Variants in NTN4 observed in about 807,000 individuals in gnomAD.
The protein encoded by NTN4 is netrin 4, also known as netrin-4.
A neutral mutation model predicts 73.6 loss-of-function variants in NTN4; 32 were observed. The ratio of observed to expected loss-of-function variants is 0.44; its 90% CI spans 0.33 to 0.58. NTN4 has a LOEUF of 0.58. Ranked by LOEUF, NTN4 falls within the 20% of genes least tolerant of loss-of-function variation. NTN4 has a pLI of 0.04. For synonymous variants in NTN4, 258 were observed against 287.5 expected, an observed-to-expected ratio of 0.90 and a Z score of 1.04; for missense variants, 654 against 798.3, an observed-to-expected ratio of 0.82 and a Z score of 2.18.
At chr12:95,699,499 G>A (rs773245809) in intron 5 of NTN4, among the ~76,000 whole-genome samples, 20 of 152,132 alleles carry the variant, frequency 1.3e-4, no homozygotes, top group Non-Finnish European at 2.4e-4. Context: ...CTCTTCCTGA[G>A]AGCATCATGA....
At position 95,658,246 on chromosome 12, in the gene NTN4, CAT is replaced by C. The variant is rs2078106939; in HGVS notation, c.*838_*839del. 6.6e-6 allele frequency: 1 copy of C among 152,294 alleles called. No homozygotes were observed. The highest frequency in any genetic ancestry group is 2.1e-4 in the South Asian group (1 of 4,824). 9.4% of individuals were successfully genotyped at this position (152,294 alleles called of 1,614,324 possible). ...AAAGTCCATTTCCCCTTTAGCCAAG[CAT>C]ATGTCTACATTTATGATTTCTTTCT... On this transcript the variant is annotated 3_prime_UTR_variant, in exon 10 of 10. Transcript: ENST00000343702.
At chr12:95,734,480 C>A (rs554990294) in intron 3 of NTN4, among the ~76,000 whole-genome samples, 1 of 152,234 alleles carries the variant, frequency 6.6e-6, no homozygotes, top group African/African-American at 2.4e-5. Flanking sequence ...TCCACTGCTG[C>A]AAATAAAAAC....
intron 7 of NTN4, among the ~76,000 whole-genome samples, chr12:95,677,604 T>A (rs2078282869): frequency 6.6e-6 from 1 of 152,114 alleles, no homozygotes; most frequent in Non-Finnish European, 1.5e-5. Flanking sequence ...CAGCAACGTA[T>A]GAATAAAAAT....
intron 5 of NTN4, among the ~76,000 whole-genome samples, chr12:95,709,620 G>T (rs2078548320): frequency 6.9e-6 from 1 of 144,606 alleles, no homozygotes; most frequent in Admixed American, 7.2e-5. Context: ...TGCAACCTCT[G>T]CCTGCTGGAT....
chr12:95,724,609 C>T (rs1474285006), intron 3 of NTN4, among the ~76,000 whole-genome samples: 1 of 152,146 alleles, frequency 6.6e-6, no homozygotes, highest in Non-Finnish European at 1.5e-5. Context: ...ATAGTTTGTT[C>T]AGCTGCAAAT....
chr12:95,788,731 T>G (rs534034404), intron 1 of NTN4, among the ~76,000 whole-genome samples: 45 of 152,340 alleles, frequency 3.0e-4, no homozygotes, highest in Non-Finnish European at 5.9e-4. Context: ...GCATTATTTT[T>G]TAAATGTCAA....
chr12:95,731,183 T>C (rs371304198), intron 3 of NTN4, among the ~76,000 whole-genome samples: 33 of 152,332 alleles, frequency 2.2e-4, no homozygotes, highest in African/African-American at 7.0e-4. Context: ...AGGACTTGGA[T>C]AGTTTACCTA....
rs961349093 is a variant in NTN4, at chr12:95,667,529, G to C, written c.1580-1549C>G. On this transcript the variant is annotated intron_variant, in intron 8 of 9. Coordinates refer to ENST00000343702, the MANE Select transcript of NTN4 (RefSeq NM_021229.4). ...TTTAGACTTCTAAGGGGTCTTAAAA[G>C]CTCATGTATTTTATACACGAGGAAG... Among the ~76,000 whole-genome samples, 8 of 152,084 alleles carry C rather than the reference G, an allele frequency of 5.3e-5. No homozygotes were observed. In the South Asian group the frequency reaches 6.2e-4, roughly 12 times the overall value.
At position 95,777,568 on chromosome 12, in the gene NTN4, C is replaced by T. The variant is rs2079102900; in HGVS notation, c.585+9371G>A. Among the ~76,000 whole-genome samples the T allele has an allele frequency of 5.9e-5, 9 of 152,140 alleles. No individual in the cohort carries two copies. In the South Asian group the frequency reaches 1.9e-3, roughly 32 times the overall value. ...AACGATCAAAAGAGACAAAAAAGGA[C>T]ATTACATAATGGTAAAGGGATCAAT... On this transcript the variant is annotated intron_variant, in intron 2 of 9. Transcript: ENST00000343702.
At chr12:95,773,128 C>A (rs193240473) in intron 2 of NTN4, among the ~76,000 whole-genome samples, 1 of 152,054 alleles carries the variant, frequency 6.6e-6, no homozygotes, top group Non-Finnish European at 1.5e-5. Context: ...CTCCGCCTCC[C>A]GAGTAGCTGG....
chr12:95,714,138 G>A (rs1029900428), intron 3 of NTN4, among the ~76,000 whole-genome samples: 3 of 151,958 alleles, frequency 2.0e-5, no homozygotes, highest in African/African-American at 7.2e-5. Context: ...CTCCCAGAGA[G>A]AAATACTTCA....
intron 7 of NTN4, chr12:95,673,768 C>T (rs1322351798): frequency 6.6e-6 from 1 of 152,194 alleles, no homozygotes; most frequent in Non-Finnish European, 1.5e-5. Context: ...AGCTCCTTGA[C>T]CTCAGAGGAG....
rs781332708 is a variant in NTN4, at chr12:95,715,667, TATAAAA to T, written c.865-2335_865-2330del. 8.1e-4 allele frequency among the ~76,000 whole-genome samples: 123 copies of T among 152,338 alleles called. 1 individual carries two copies. Among genetic ancestry groups the T allele is most frequent in the Middle Eastern group, 3.4e-3 (1 of 294 alleles). On this transcript the variant is annotated intron_variant, in intron 3 of 9. Transcript: ENST00000343702. The stretch of plus-strand genomic sequence containing the variant: ...TGCAGGAATTCAACTTCTACTGCTC[TATAAAA>T]ATGAGATTTTTTTCATCCTAGCTCC...
chr12:95,682,492 C>T (rs2078326010), intron 7 of NTN4, among the ~76,000 whole-genome samples: 1 of 147,854 alleles, frequency 6.8e-6, no homozygotes, highest in Admixed American at 6.8e-5. Flanking sequence ...ATATATTACT[C>T]TAATCATCAG....
intron 2 of NTN4, among the ~76,000 whole-genome samples, chr12:95,779,063 T>G (rs1042714035): frequency 1.3e-4 from 20 of 152,202 alleles, no homozygotes; most frequent in African/African-American, 4.1e-4. Context: ...AAAACCACAT[T>G]ATTATCTCAG....
intron 5 of NTN4, among the ~76,000 whole-genome samples, chr12:95,702,166 G>A (rs2078489701): frequency 6.6e-6 from 1 of 151,972 alleles, no homozygotes; most frequent in South Asian, 2.1e-4. Context: ...TGTAATCCCA[G>A]CTGCTCGGGT....
At chr12:95,681,408 A>G (rs1448132402) in intron 7 of NTN4, among the ~76,000 whole-genome samples, 1 of 152,110 alleles carries the variant, frequency 6.6e-6, no homozygotes, top group Non-Finnish European at 1.5e-5. Flanking sequence ...AATATGAAAC[A>G]ATTACGGCAA....
intron 2 of NTN4, among the ~76,000 whole-genome samples, chr12:95,775,364 G>C (rs767625965): frequency 6.6e-6 from 1 of 152,230 alleles, no homozygotes; most frequent in Admixed American, 6.5e-5. Flanking sequence ...CACTGAGCAT[G>C]AGCCAAAGCA....
At chr12:95,775,239 C>CAGCTCCCAGTGTG (rs2079082876) in intron 2 of NTN4, among the ~76,000 whole-genome samples, 1 of 152,214 alleles carries the variant, frequency 6.6e-6, no homozygotes, top group Middle Eastern at 3.2e-3. Flanking sequence ...CTCCAGTCTA[C>CAGCTCCCAGTGTG]AGCTCCCAGT....
Sources: allele counts gnomAD v4.1 joint callset (sites outside exome capture counted in the v4.1 genomes callset), GRCh38; gene constraint gnomAD v4.1.1; transcripts MANE v1.5; gene names NCBI Gene and HGNC (gene_info 2026-07-23, HGNC 2026-07-21).